Variants in PTPRD observed in about 807,000 individuals in gnomAD.
The protein encoded by PTPRD is protein tyrosine phosphatase receptor type D.
Under a neutral mutation model 214.5 loss-of-function variants are expected in PTPRD, and 34 were observed. That is an observed-to-expected ratio of 0.16 (90% CI 0.12 to 0.21). The LOEUF (loss-of-function observed/expected upper bound fraction) is 0.21, where lower values mean the gene tolerates loss of function less well. Ranked by LOEUF, PTPRD falls within the 10% of genes least tolerant of loss-of-function variation. The probability of loss-of-function intolerance (pLI) is 1.00; values close to 1 mark genes in which losing one functional copy is unlikely to be tolerated. For synonymous variants in PTPRD, 1,128 were observed against 845.7 expected (o/e 1.33, Z -5.79); for missense variants, 2,545 against 2,398.7 (o/e 1.06, Z -1.27).
chr9:9,955,752 T>C (rs1364536883), intron 4 of PTPRD, among the ~76,000 whole-genome samples: 7 of 152,180 alleles, frequency 4.6e-5, no homozygotes, highest in Admixed American at 2.6e-4. Context: ...CTCGATCTCC[T>C]GACCTCGTGA....
intron 2 of PTPRD, among the ~76,000 whole-genome samples, chr9:10,607,690 GA>G (rs566270795): frequency 9.3e-5 from 14 of 150,348 alleles, no homozygotes; most frequent in East Asian, 3.9e-4. Context: ...TTTCCTAGAA[GA>G]AAAAAAAAGT....
At chr9:8,522,248 G>A (rs2097905948) in intron 19 of PTPRD, among the ~76,000 whole-genome samples, 1 of 152,166 alleles carries the variant, frequency 6.6e-6, no homozygotes, top group African/African-American at 2.4e-5. Flanking sequence ...CAAGGCCCGT[G>A]CTAAGGATAT....
intron 3 of PTPRD, among the ~76,000 whole-genome samples, chr9:10,249,353 G>C (rs981025492): frequency 1.3e-5 from 2 of 152,190 alleles, no homozygotes; most frequent in East Asian, 3.9e-4. Flanking sequence ...ATGAGTAACA[G>C]GTATGTTAGT....
intron 12 of PTPRD, among the ~76,000 whole-genome samples, chr9:8,702,627 T>A (rs1299241107): frequency 2.0e-5 from 3 of 152,198 alleles, no homozygotes. Context: ...TTTTTGGGTT[T>A]CTTTTAGACA....
intron 8 of PTPRD, among the ~76,000 whole-genome samples, chr9:9,427,712 T>C (rs2081489438): frequency 6.6e-6 from 1 of 152,158 alleles, no homozygotes; most frequent in Admixed American, 6.5e-5. Context: ...ACAGCTGATC[T>C]CTCGGCAGAA....
intron 22 of PTPRD, among the ~76,000 whole-genome samples, chr9:8,505,328 A>T (rs1335073817): frequency 6.6e-6 from 1 of 152,082 alleles, no homozygotes; most frequent in Non-Finnish European, 1.5e-5. Flanking sequence ...CAAATCAGTT[A>T]AGAAGAATTC....
intron 30 of PTPRD, among the ~76,000 whole-genome samples, chr9:8,471,572 T>A (rs1452329365): frequency 2.0e-5 from 3 of 152,144 alleles, no homozygotes; most frequent in Non-Finnish European, 2.9e-5. Context: ...GAATTAAAAA[T>A]TTTTAAGTAA....
At chr9:8,366,102 C>G (rs1420419592) in intron 39 of PTPRD, among the ~76,000 whole-genome samples, 4 of 152,110 alleles carry the variant, frequency 2.6e-5, no homozygotes, top group Admixed American at 2.6e-4. Flanking sequence ...TGATTCAATG[C>G]TCAACACCAA....
At chr9:9,348,758 C>A (rs2049929704) in intron 9 of PTPRD, among the ~76,000 whole-genome samples, 1 of 152,044 alleles carries the variant, frequency 6.6e-6, no homozygotes, top group African/African-American at 2.4e-5. Flanking sequence ...TATGTGGCTT[C>A]TCTTGAACAT....
intron 4 of PTPRD, among the ~76,000 whole-genome samples, chr9:9,946,595 CAT>C (rs1319092140): frequency 3.3e-5 from 5 of 152,038 alleles, no homozygotes; most frequent in African/African-American, 7.2e-5. Flanking sequence ...CAAAGGGAAA[CAT>C]ATTCTTTCCT....
intron 7 of PTPRD, among the ~76,000 whole-genome samples, chr9:9,648,952 G>T (rs1021040447): frequency 3.3e-5 from 5 of 152,040 alleles, no homozygotes; most frequent in Admixed American, 6.6e-5. Context: ...AGAAAAACCG[G>T]CTCACCAAGG....
At chr9:10,576,529 T>C (rs2069402113) in intron 2 of PTPRD, among the ~76,000 whole-genome samples, 1 of 152,086 alleles carries the variant, frequency 6.6e-6, no homozygotes, top group African/African-American at 2.4e-5. Context: ...TGAAATAAGG[T>C]GACTGAAAGA....
At chr9:8,409,437 A>T (rs2130899807) in intron 35 of PTPRD, among the ~76,000 whole-genome samples, 1 of 152,240 alleles carries the variant, frequency 6.6e-6, no homozygotes, top group Middle Eastern at 3.4e-3. Flanking sequence ...AACACAACGC[A>T]CAGAAGGTTG....
chr9:10,324,276 C>A (rs1198549296), intron 3 of PTPRD, among the ~76,000 whole-genome samples: 1 of 151,972 alleles, frequency 6.6e-6, no homozygotes, highest in Non-Finnish European at 1.5e-5. Context: ...TCTCTTAGAC[C>A]AACCTTTAAA....
At chr9:9,810,228 T>C (rs2046724954) in intron 5 of PTPRD, among the ~76,000 whole-genome samples, 1 of 151,778 alleles carries the variant, frequency 6.6e-6, no homozygotes, top group South Asian at 2.1e-4. Flanking sequence ...TAAGAATATA[T>C]ACTACATAGA....
intron 3 of PTPRD, among the ~76,000 whole-genome samples, chr9:10,256,574 T>G (rs2154372675): frequency 6.6e-6 from 1 of 152,230 alleles, no homozygotes; most frequent in Non-Finnish European, 1.5e-5. Flanking sequence ...TGTCAAGTGG[T>G]TTTTTATTAT....
At chr9:9,978,346 G>C (rs1468287507) in intron 4 of PTPRD, among the ~76,000 whole-genome samples, 1 of 151,964 alleles carries the variant, frequency 6.6e-6, no homozygotes, top group Non-Finnish European at 1.5e-5. Flanking sequence ...CTTTAGCAGA[G>C]AGATAAAATC....
At chr9:9,815,873 T>G (rs553872644) in intron 5 of PTPRD, among the ~76,000 whole-genome samples, 1 of 152,130 alleles carries the variant, frequency 6.6e-6, no homozygotes, top group Non-Finnish European at 1.5e-5. Context: ...TACTTAAGAT[T>G]TTCTAAGAAA....
intron 3 of PTPRD, among the ~76,000 whole-genome samples, chr9:10,269,456 G>T (rs1253220580): frequency 6.6e-6 from 1 of 151,970 alleles, no homozygotes; most frequent in African/African-American, 2.4e-5. Context: ...ATACATATTT[G>T]CCCTGTTCTG....
Sources: allele counts gnomAD v4.1 joint callset (sites outside exome capture counted in the v4.1 genomes callset), GRCh38; gene constraint gnomAD v4.1.1; transcripts MANE v1.5; gene names NCBI Gene and HGNC (gene_info 2026-07-23, HGNC 2026-07-21).